LGR6: variants seen among roughly 807,000 people sequenced by gnomAD.
LGR6 encodes leucine rich repeat containing G protein-coupled receptor 6.
Under a neutral mutation model 69.4 loss-of-function variants are expected in LGR6, and 45 were observed. The ratio of observed to expected loss-of-function variants is 0.65; its 90% CI spans 0.51 to 0.83. LGR6 has a LOEUF of 0.83. Ranked by LOEUF, LGR6 falls within the 40% of genes least tolerant of loss-of-function variation. The pLI is 0.00. For missense variants in LGR6, 1,108 were observed against 1,246.7 expected (o/e 0.89, Z 1.68); for synonymous variants, 538 against 555.0 (o/e 0.97, Z 0.43).
At chr1:202,275,163 C>T (rs1665441703) in intron 4 of LGR6, among the ~76,000 whole-genome samples, 1 of 152,152 alleles carries the variant, frequency 6.6e-6, no homozygotes, top group Non-Finnish European at 1.5e-5. Context: ...AGCTGTAGGG[C>T]CTTTGTGGGT....
chr1:202,299,483 T>A (rs1304309967), intron 7 of LGR6, among the ~76,000 whole-genome samples: 2 of 151,836 alleles, frequency 1.3e-5, no homozygotes, highest in Admixed American at 1.3e-4. Flanking sequence ...GGGACAAAAA[T>A]ATATGGGAGG....
intron 1 of LGR6, among the ~76,000 whole-genome samples, chr1:202,196,139 G>T (rs1488585345): frequency 6.6e-6 from 1 of 152,154 alleles, no homozygotes; most frequent in African/African-American, 2.4e-5. Context: ...GATGGGTCCT[G>T]AGGCAATATG....
intron 4 of LGR6, among the ~76,000 whole-genome samples, chr1:202,274,256 T>G (rs1202482289): frequency 1.3e-5 from 2 of 152,192 alleles, no homozygotes; most frequent in Non-Finnish European, 2.9e-5. Flanking sequence ...ACTCATTTAT[T>G]TATTGCCCAT....
At chr1:202,302,719 G>A (rs1667695835) in intron 9 of LGR6, among the ~76,000 whole-genome samples, 1 of 152,080 alleles carries the variant, frequency 6.6e-6, no homozygotes, top group Non-Finnish European at 1.5e-5. Flanking sequence ...ACTGCTTTTT[G>A]TATTTTTAGT....
rs910589233 is a variant in LGR6 at position 202,271,535 on chromosome 1, G to A, written c.429-4771G>A. 1.3e-4 allele frequency among the ~76,000 whole-genome samples: 20 copies of A among 152,224 alleles called. No individual in the cohort carries two copies. The East Asian group carries it at 1.4e-3, about 10-fold the overall frequency. On this transcript the variant is annotated intron_variant, in intron 4 of 17. Coordinates refer to ENST00000367278, the MANE Select transcript of LGR6 (RefSeq NM_001017403.2). ...AGAAAATACAGGGGAGGCTGGGCGC[G>A]GTGGCTCACACCTGTAATCCCAGCA... is the stretch of plus-strand genomic sequence containing the variant.
At chr1:202,251,261 C>T (rs779491844) in intron 4 of LGR6, among the ~76,000 whole-genome samples, 20 of 152,054 alleles carry the variant, frequency 1.3e-4, no homozygotes, top group Admixed American at 2.6e-4. Context: ...CCTGCACGCT[C>T]GTATGTGGAT....
At chr1:202,240,563 T>C (rs1187643456) in intron 4 of LGR6, among the ~76,000 whole-genome samples, 1 of 151,452 alleles carries the variant, frequency 6.6e-6, no homozygotes. Context: ...AGGACATCAG[T>C]GTGTGTGTGT....
intron 6 of LGR6, among the ~76,000 whole-genome samples, chr1:202,294,010 A>G (rs1666977166): frequency 1.3e-5 from 2 of 152,068 alleles, no homozygotes; most frequent in Admixed American, 1.3e-4. Context: ...AAACCATCCC[A>G]TGGTCTCTGT....
chr1:202,296,326 G>A (rs1409911585), intron 6 of LGR6, among the ~76,000 whole-genome samples: 1 of 152,134 alleles, frequency 6.6e-6, no homozygotes, highest in Non-Finnish European at 1.5e-5. Context: ...TTCCACATGA[G>A]GCTAAGTCGT....
chr1:202,255,108 G>A (rs1214934075), intron 4 of LGR6, among the ~76,000 whole-genome samples: 1 of 152,196 alleles, frequency 6.6e-6, no homozygotes, highest in Non-Finnish European at 1.5e-5. Context: ...AGACCTGTGT[G>A]TAGGAGATAA....
chr1:202,309,289 C>T (rs1422895206), intron 15 of LGR6, 113 bp downstream of exon 15: 1 of 1,339,772 alleles, frequency 7.5e-7, no homozygotes, highest in Non-Finnish European at 1.0e-6. Context: ...TAGGGTTTGA[C>T]CAAGATTTAG....
At chr1:202,207,211 C>T (rs1659286128) in intron 1 of LGR6, among the ~76,000 whole-genome samples, 1 of 152,176 alleles carries the variant, frequency 6.6e-6, no homozygotes, top group South Asian at 2.1e-4. Flanking sequence ...GCCACTGTGC[C>T]CGGCCGGTCC....
chr1:202,316,139 C>T (rs576906327), intron 17 of LGR6, among the ~76,000 whole-genome samples: 11 of 152,140 alleles, frequency 7.2e-5, no homozygotes, highest in South Asian at 2.1e-4. Flanking sequence ...TGTCTTAGTC[C>T]GCTTCGTGTT....
chr1:202,311,992 G>C (rs566409454), intron 16 of LGR6, among the ~76,000 whole-genome samples: 64 of 152,338 alleles, frequency 4.2e-4, no homozygotes, highest in Non-Finnish European at 7.6e-4. Context: ...GTCCCCGGGG[G>C]ACATTCCCGG....
chr1:202,312,967 G>A (rs1221647247), intron 16 of LGR6, among the ~76,000 whole-genome samples: 1 of 152,076 alleles, frequency 6.6e-6, no homozygotes, highest in East Asian at 1.9e-4. Flanking sequence ...GGTGGCTCAC[G>A]CCTGTAATCC....
intron 4 of LGR6, among the ~76,000 whole-genome samples, chr1:202,240,680 G>T (rs114867267): frequency 8.5e-5 from 13 of 152,252 alleles, no homozygotes; most frequent in African/African-American, 3.1e-4. Context: ...ACCGCTTCAG[G>T]CCCCACAGCA....
At chr1:202,219,580 G>T (rs1027138675) in intron 1 of LGR6, among the ~76,000 whole-genome samples, 1 of 152,202 alleles carries the variant, frequency 6.6e-6, no homozygotes, top group African/African-American at 2.4e-5. Context: ...CATTGTAGCA[G>T]CTGGGGGAGA....
intron 6 of LGR6, among the ~76,000 whole-genome samples, chr1:202,296,159 C>A (rs139245129): frequency 1.6e-3 from 247 of 152,224 alleles, no homozygotes; most frequent in Non-Finnish European, 2.4e-3. Context: ...GTTGTCAGGG[C>A]AGGGGTGGCT....
intron 1 of LGR6, among the ~76,000 whole-genome samples, chr1:202,219,606 G>T (rs1660014889): frequency 6.6e-6 from 1 of 152,212 alleles, no homozygotes; most frequent in African/African-American, 2.4e-5. Flanking sequence ...ACACTAGGCA[G>T]TAGAAGAACT....
Sources: allele counts gnomAD v4.1 joint callset (sites outside exome capture counted in the v4.1 genomes callset), GRCh38; gene constraint gnomAD v4.1.1; transcripts MANE v1.5; gene names NCBI Gene and HGNC (gene_info 2026-07-23, HGNC 2026-07-21).